Variants in TENT5A observed in about 807,000 individuals in gnomAD.
The protein encoded by TENT5A is HBV X-transactivated gene 11 protein.
A neutral mutation model predicts 30.2 loss-of-function variants in TENT5A; 9 were observed. The observed-to-expected ratio is 0.30, with a 90% CI of 0.18 to 0.52. TENT5A has a LOEUF of 0.52. Among genes scored for constraint, TENT5A ranks in the 20% least tolerant of loss-of-function variants. The pLI is 0.97. For missense variants in TENT5A, 411 were observed against 566.1 expected (o/e 0.73, Z 2.78); for synonymous variants, 264 against 234.2 (o/e 1.13, Z -1.16).
chr6:81,750,231 A>G lies in TENT5A; in HGVS notation c.793T>C (p.Tyr265His). ...FHPTIIGESV[Y>H]GDFQEAFDHL... ...TCAAAGGCTTCCTGGAAATCGCCAT[A>G]GACGCTCTCCCCGATTATTGTGGGG... Residue 265 changes from tyrosine (Y) to histidine (H), a missense_variant, in exon 3 of 3, where the codon TAT becomes CAT. Around this residue, in one of 5 missense-constraint regions of TENT5A, gnomAD observed 135 missense variants for 240.0 expected, o/e 0.56. Coordinates refer to ENST00000320172, the MANE Select transcript of TENT5A (RefSeq NM_017633.3). This position sits in a 1 kb window ranked among gnomAD's most constrained non-coding sequence, Gnocchi z 4.2. The G allele has an allele frequency of 6.2e-7, 1 of 1,614,168 alleles. No individual in the cohort carries two copies. Among genetic ancestry groups the G allele is most frequent in the East Asian group, 2.2e-5 (1 of 44,874 alleles).
rs889397331 is a variant in TENT5A, at chr6:81,749,268, G to A, written c.*427C>T. ...GAACTCCTAAACTGATTCACAAGTT[G>A]GAGTGAGACCTTTTTTCCTCCGTAT... is the stretch of plus-strand genomic sequence containing the variant. On this transcript the variant is annotated 3_prime_UTR_variant, in exon 3 of 3. Transcript: ENST00000320172. The A allele has an allele frequency of 6.1e-6, 6 of 991,596 alleles. No homozygotes were observed. The Admixed American group carries it at 3.0e-4, about 50-fold the overall frequency. The allele number at this position is 991,596 out of a possible 1,614,324, so 61.4% of individuals were successfully genotyped here.
Position 81,752,015 on chromosome 6 carries a change from C to CGAAGTCGCCGCCGCG in TENT5A, c.126_127insCGCGGCGGCGACTTC (p.Phe42_Gly43insArgGlyGlyAspPhe). 1 of 1,129,678 alleles carries CGAAGTCGCCGCCGCG rather than the reference C, an allele frequency of 8.9e-7. No individual in the cohort carries two copies. The highest frequency in any genetic ancestry group is 2.9e-5 in the East Asian group (1 of 34,662). The allele number at this position is 1,129,678 out of a possible 1,614,324, so 70.0% of individuals were successfully genotyped here. Reference sequence around the variant, plus strand: ...TGCCCACCGAAGCTGCCGCCACCGCCGAAGTCGCCGCCGCCGAAGTCGCCG... The same window carrying CGAAGTCGCCGCCGCG: ...TGCCCACCGAAGCTGCCGCCACCGCCGAAGTCGCCGCCGCGGAAGTCGCCGCCGCCGAAGTCGCCG... On this transcript the variant is annotated inframe_insertion, in exon 2 of 3. Coordinates refer to ENST00000320172, the MANE Select transcript of TENT5A (RefSeq NM_017633.3).
chr6:81,749,364 G>A lies in TENT5A; in HGVS notation c.*331C>T. 1 of 1,067,846 alleles carries A rather than the reference G, an allele frequency of 9.4e-7. No individual in the cohort carries two copies. Among genetic ancestry groups the A allele is most frequent in the Non-Finnish European group, 1.1e-6 (1 of 884,442 alleles). The allele number at this position is 1,067,846 out of a possible 1,614,324, so 66.1% of individuals were successfully genotyped here. A position where few individuals can be genotyped will look rare whatever the true frequency, so the allele number is the denominator to read the frequency against. On this transcript the variant is annotated 3_prime_UTR_variant, in exon 3 of 3. Coordinates refer to ENST00000320172, the MANE Select transcript of TENT5A (RefSeq NM_017633.3). ...TTTTTCCTATGGCAAAGCTATGGGA[G>A]CAGATACAGCAAACCCATATTGTCA...
chr6:81,746,751 T>G lies in TENT5A; in HGVS notation c.*2944A>C, dbSNP rs1352316978. 9.0e-6 allele frequency: 11 copies of G among 1,220,608 alleles called. No homozygotes were observed. The highest frequency in any genetic ancestry group is 1.1e-5 in the Non-Finnish European group (11 of 981,458). The allele number at this position is 1,220,608 out of a possible 1,614,324, so 75.6% of individuals were successfully genotyped here. ...ACAAATCACAGGCGCTAATAGGGAG[T>G]CGGGAGCTGTTCTTTTCTCTGACCT... On this transcript the variant is annotated 3_prime_UTR_variant, in exon 3 of 3. Coordinates refer to ENST00000320172, the MANE Select transcript of TENT5A (RefSeq NM_017633.3).
In TENT5A at chr6:81,752,554, G is replaced by T; in HGVS notation, c.-161C>A. 1.9e-6 allele frequency: 2 copies of T among 1,031,122 alleles called. No homozygotes were observed. Among genetic ancestry groups the T allele is most frequent in the Non-Finnish European group, 3.0e-6 (2 of 673,414 alleles). The allele number at this position is 1,031,122 out of a possible 1,614,324, so 63.9% of individuals were successfully genotyped here. Reference sequence around the variant, plus strand: ...GCGACTTCGTCTTTCCCAGACCCCTGCCGCCTGCGCTCACCACTCCCTCCC... The same window carrying T: ...GCGACTTCGTCTTTCCCAGACCCCTTCCGCCTGCGCTCACCACTCCCTCCC... On this transcript the variant is annotated 5_prime_UTR_variant, in exon 1 of 3. Transcript: ENST00000320172.
At position 81,747,454 on chromosome 6, in the gene TENT5A, T is replaced by C. The variant is rs959007105; in HGVS notation, c.*2241A>G. On this transcript the variant is annotated 3_prime_UTR_variant, in exon 3 of 3. Coordinates refer to ENST00000320172, the MANE Select transcript of TENT5A (RefSeq NM_017633.3). ...GCGGCTGTTGCAGCTCTGACAGAATTCACAAGGAAGCTGCTACAGCAAACC... is the reference window on the plus strand; with the variant it reads ...GCGGCTGTTGCAGCTCTGACAGAATCCACAAGGAAGCTGCTACAGCAAACC... 3.0e-6 allele frequency: 3 copies of C among 985,648 alleles called. No individual in the cohort carries two copies. The Admixed American group carries it at 1.8e-4, about 61-fold the overall frequency. 61.1% of individuals were successfully genotyped at this position (985,648 alleles called of 1,614,324 possible). A position where few individuals can be genotyped will look rare whatever the true frequency, so the allele number is the denominator to read the frequency against.
At chr6:81,752,405 G>A (rs1389702388) in intron 1 of TENT5A, 26 bp downstream of exon 1, 10 of 1,549,998 alleles carry the variant, frequency 6.5e-6, no homozygotes, top group Non-Finnish European at 7.8e-6. Context: ...TCTGGAAAGC[G>A]CAAGCGAGAG....
rs577390269 is a variant in TENT5A, at chr6:81,749,509, G to A, written c.*186C>T. On this transcript the variant is annotated 3_prime_UTR_variant, in exon 3 of 3. Coordinates refer to ENST00000320172, the MANE Select transcript of TENT5A (RefSeq NM_017633.3). ...TAAGAGAAGGGAAAAGGATCCTTTC[G>A]AGATCATGCTCCCACATCTATTAAA... 1,594 of 1,345,628 alleles carry A rather than the reference G, an allele frequency of 1.2e-3. 1 individual carries two copies. The highest frequency in any genetic ancestry group is 2.0e-3 in the Admixed American group (59 of 28,972). The allele number at this position is 1,345,628 out of a possible 1,614,324, so 83.4% of individuals were successfully genotyped here. A position where few individuals can be genotyped will look rare whatever the true frequency, so the allele number is the denominator to read the frequency against.
At position 81,748,814 on chromosome 6, in the gene TENT5A, T is replaced by C. The variant is rs1456901997; in HGVS notation, c.*881A>G. ...CTTCTTGAGGCAGTCCCTGATAAAA[T>C]AAAATAATCATTAAACCATAAAATA... On this transcript the variant is annotated 3_prime_UTR_variant, in exon 3 of 3. Transcript: ENST00000320172. 2.0e-6 allele frequency: 2 copies of C among 985,178 alleles called. No homozygotes were observed. The highest frequency in any genetic ancestry group is 9.4e-5 in the South Asian group (2 of 21,274). 61.0% of individuals were successfully genotyped at this position (985,178 alleles called of 1,614,324 possible). A position where few individuals can be genotyped will look rare whatever the true frequency, so the allele number is the denominator to read the frequency against.
chr6:81,745,734 T>G lies in TENT5A; in HGVS notation c.*3961A>C. The G allele has an allele frequency of 1.2e-5, 12 of 985,276 alleles. No homozygotes were observed. The highest frequency in any genetic ancestry group is 1.3e-5 in the Non-Finnish European group (11 of 829,436). 61.0% of individuals were successfully genotyped at this position (985,276 alleles called of 1,614,324 possible). On this transcript the variant is annotated 3_prime_UTR_variant, in exon 3 of 3. Transcript: ENST00000320172. ...ATTGTAGACAGCAAACACAAATCAA[T>G]AGAAAAAAATAACTTTTTTATTTAC... is the stretch of plus-strand genomic sequence containing the variant.
Position 81,752,489 on chromosome 6 carries a change from A to C in TENT5A, c.-96T>G, listed in dbSNP as rs1581992682. Reference sequence around the variant, plus strand: ...AGCGAGAGCGAAACCGAGAGGCGGCAACACTTCCAGGAGCTGCGAGCGCGC... The same window carrying C: ...AGCGAGAGCGAAACCGAGAGGCGGCCACACTTCCAGGAGCTGCGAGCGCGC... On this transcript the variant is annotated 5_prime_UTR_variant, in exon 1 of 3. Coordinates refer to ENST00000320172, the MANE Select transcript of TENT5A (RefSeq NM_017633.3). 1 of 1,529,976 alleles carries C rather than the reference A, an allele frequency of 6.5e-7. No homozygotes were observed. The highest frequency in any genetic ancestry group is 1.2e-5 in the South Asian group (1 of 83,612). The allele number at this position is 1,529,976 out of a possible 1,614,324, so 94.8% of individuals were successfully genotyped here.
In TENT5A at chr6:81,752,037, G is replaced by A. The variant is rs1457109524; in HGVS notation, c.105C>T (p.Gly35=). 2 of 1,581,324 alleles carry A rather than the reference G, an allele frequency of 1.3e-6. No homozygotes were observed. Among genetic ancestry groups the A allele is most frequent in the Non-Finnish European group, 1.7e-6 (2 of 1,158,944 alleles). ...CGCCGAAGTCGCCGCCGCCGAAGTCGCCGCCGCCGAAGTCGCCGCCGCCGA... is the reference window on the plus strand; with the variant it reads ...CGCCGAAGTCGCCGCCGCCGAAGTCACCGCCGCCGAAGTCGCCGCCGCCGA... ...GDFGGGDFGG[G]DFGGGDFGGG... Residue 35 remains glycine, a synonymous_variant, in exon 2 of 3, where the codon GGC becomes GGT. Transcript: ENST00000320172.
chr6:81,749,644 T>C lies in TENT5A; in HGVS notation c.*51A>G. ...TTTTTTTTTCTTTTTTTTTTTTTTCTCTCCTGTCTTGTCTGAAATGGCTTC... is the reference window on the plus strand; with the variant it reads ...TTTTTTTTTCTTTTTTTTTTTTTTCCCTCCTGTCTTGTCTGAAATGGCTTC... On this transcript the variant is annotated 3_prime_UTR_variant, in exon 3 of 3. Coordinates refer to ENST00000320172, the MANE Select transcript of TENT5A (RefSeq NM_017633.3). The C allele has an allele frequency of 6.9e-7, 1 of 1,451,366 alleles. No homozygotes were observed. The highest frequency in any genetic ancestry group is 9.1e-7 in the Non-Finnish European group (1 of 1,096,614). The allele number at this position is 1,451,366 out of a possible 1,614,324, so 89.9% of individuals were successfully genotyped here.
At position 81,750,298 on chromosome 6, in the gene TENT5A, G is replaced by T. The variant is rs764911945; in HGVS notation, c.726C>A (p.Leu242=). The change falls in exon 3 of 3, where the codon CTC becomes CTA. Residue 242 remains leucine (L), a synonymous_variant. Coordinates refer to ENST00000320172, the MANE Select transcript of TENT5A (RefSeq NM_017633.3). This position sits in a 1 kb window ranked among gnomAD's most constrained non-coding sequence, Gnocchi z 4.2. ...TTGGGTTCTCTGAACATTCATAAAA[G>T]AGCAGAAGAGAGTCTAATTTGATTT... The part of the protein sequence containing the change: ...SFQIKLDSLL[L]FYECSENPMT... The T allele has an allele frequency of 6.2e-7, 1 of 1,613,606 alleles. No homozygotes were observed. The highest frequency in any genetic ancestry group is 2.2e-5 in the East Asian group (1 of 44,878).
In TENT5A at chr6:81,748,987, C is replaced by A; in HGVS notation, c.*708G>T. On this transcript the variant is annotated 3_prime_UTR_variant, in exon 3 of 3. Transcript: ENST00000320172. ...AATCTTTGGTCCTTGAGCACACTTT[C>A]TTTGTTACAGCTGTTTTTGCTTGCA... is the stretch of plus-strand genomic sequence containing the variant. 1.0e-6 allele frequency: 1 copy of A among 985,780 alleles called. No homozygotes were observed. The highest frequency in any genetic ancestry group is 5.2e-4 in the Middle Eastern group (1 of 1,914). 61.1% of individuals were successfully genotyped at this position (985,780 alleles called of 1,614,324 possible).
At position 81,749,088 on chromosome 6, in the gene TENT5A, G is replaced by C. The variant is rs1244081808; in HGVS notation, c.*607C>G. The C allele has an allele frequency of 1.4e-5, 14 of 985,654 alleles. No homozygotes were observed. The highest frequency in any genetic ancestry group is 1.7e-5 in the Non-Finnish European group (14 of 829,926). 61.1% of individuals were successfully genotyped at this position (985,654 alleles called of 1,614,324 possible). On this transcript the variant is annotated 3_prime_UTR_variant, in exon 3 of 3. Coordinates refer to ENST00000320172, the MANE Select transcript of TENT5A (RefSeq NM_017633.3). The stretch of plus-strand genomic sequence containing the variant: ...TGTGTCATCATAAGTTCTGCTGATT[G>C]TTACGAGAACTGCACCAACCTACTA...
At position 81,750,508 on chromosome 6, in the gene TENT5A, AG is replaced by A. The variant is rs774368989; in HGVS notation, c.553-38del. 2.5e-5 allele frequency: 31 copies of A among 1,218,962 alleles called. No homozygotes were observed. Among genetic ancestry groups the A allele is most frequent in the Non-Finnish European group, 3.3e-5 (29 of 878,794 alleles). 75.5% of individuals were successfully genotyped at this position (1,218,962 alleles called of 1,614,324 possible). A position where few individuals can be genotyped will look rare whatever the true frequency, so the allele number is the denominator to read the frequency against. ...AAGATAAAACAAAATGAGCAAACCT[AG>A]AAAATAATAAATCAATAAATAAATA... On this transcript the variant is annotated intron_variant, in intron 2 of 2. Coordinates refer to ENST00000320172, the MANE Select transcript of TENT5A (RefSeq NM_017633.3). This position sits in a 1 kb window ranked among gnomAD's most constrained non-coding sequence, Gnocchi z 4.2.
rs1425460754 is a variant in TENT5A at position 81,752,191 on chromosome 6, G to A, written c.-37-13C>T. 6.7e-7 allele frequency: 1 copy of A among 1,485,596 alleles called. No homozygotes were observed. The highest frequency in any genetic ancestry group is 1.4e-5 in the South Asian group (1 of 73,358). The allele number at this position is 1,485,596 out of a possible 1,614,324, so 92.0% of individuals were successfully genotyped here. ...GCCCTGGTCAGTCCTAAAAAGAAAG[G>A]GAAAGGAGCGCGGTGAGGACGCGCG... On this transcript the variant is annotated splice_polypyrimidine_tract_variant and intron_variant, in intron 1 of 2. Coordinates refer to ENST00000320172, the MANE Select transcript of TENT5A (RefSeq NM_017633.3).
At position 81,749,224 on chromosome 6, in the gene TENT5A, ATT is replaced by A. The variant is rs1258627954; in HGVS notation, c.*469_*470del. 23 of 986,620 alleles carry A rather than the reference ATT, an allele frequency of 2.3e-5. No individual in the cohort carries two copies. Among genetic ancestry groups the A allele is most frequent in the Non-Finnish European group, 2.6e-5 (22 of 830,634 alleles). The allele number at this position is 986,620 out of a possible 1,614,324, so 61.1% of individuals were successfully genotyped here. A position where few individuals can be genotyped will look rare whatever the true frequency, so the allele number is the denominator to read the frequency against. Reference sequence around the variant, plus strand: ...ACGTTGGAGTTCCCCTTTTTCCTGTATTGTTACTATTAATATCTGAACTCCTA... The same window carrying A: ...ACGTTGGAGTTCCCCTTTTTCCTGTAGTTACTATTAATATCTGAACTCCTA... On this transcript the variant is annotated 3_prime_UTR_variant, in exon 3 of 3. Transcript: ENST00000320172.
Sources: gnomAD v4.1 joint callset for allele counts on GRCh38, gnomAD v4.1.1 for gene constraint, gnomAD v4.1.1 regional missense constraint, Gnocchi (gnomAD v3.1) non-coding constraint, MANE v1.5 for transcripts, NCBI Gene and HGNC (gene_info 2026-07-23, HGNC 2026-07-21) for gene names.